The following SERPINB12 variants were observed in gnomAD, a reference collection of about 807,000 sequenced individuals.
SERPINB12 encodes the protein serpin family B member 12, also known as serpin B12.
SERPINB12 carries 57 observed loss-of-function variants against 41.1 expected under a neutral mutation model. The observed-to-expected ratio is 1.39, with a 90% CI of 1.12 to 1.73. The LOEUF is 1.73. SERPINB12 is among the 40% of genes most tolerant of loss of function. SERPINB12 has a pLI of 0.00. For missense variants in SERPINB12, 536 were observed against 501.9 expected (o/e 1.07, Z -0.65); for synonymous variants, 180 against 181.3 (o/e 0.99, Z 0.06).
upstream of SERPINB12, among the ~76,000 whole-genome samples, chr18:63,538,342 C>T (rs574219120): frequency 9.2e-5 from 14 of 152,192 alleles, no homozygotes; most frequent in East Asian, 2.7e-3. Context: ...TATTAGCAGT[C>T]CTCATTACCC....
intron 5 of SERPINB12, among the ~76,000 whole-genome samples, chr18:63,563,508 C>A (rs1910982954): frequency 6.6e-6 from 1 of 152,182 alleles, no homozygotes; most frequent in Non-Finnish European, 1.5e-5. Flanking sequence ...CCCCATCACC[C>A]CCTCGCTTAC....
rs141853560 is a variant in SERPINB12 at position 63,551,112 on chromosome 18, A to G, written c.-18-5030A>G. 5.4e-4 allele frequency among the ~76,000 whole-genome samples: 82 copies of G among 151,936 alleles called. 2 individuals are homozygous for G. The East Asian group carries it at 0.015, about 28-fold the overall frequency. Reference sequence around the variant, plus strand: ...GTGAAACCCTGTCTCTACTAAAAATACAAAAAATTAGCCGGTTGTAGTGGT... The same window carrying G: ...GTGAAACCCTGTCTCTACTAAAAATGCAAAAAATTAGCCGGTTGTAGTGGT... On this transcript the variant is annotated intron_variant, in intron 1 of 7. Coordinates refer to ENST00000382768, the MANE Select transcript of SERPINB12 (RefSeq NM_001307928.2).
chr18:63,567,133 TC>T lies in SERPINB12; in HGVS notation c.*123del. 1 of 949,048 alleles carries T rather than the reference TC, an allele frequency of 1.1e-6. No individual in the cohort carries two copies. The highest frequency in any genetic ancestry group is 1.5e-6 in the Non-Finnish European group (1 of 649,058). The allele number at this position is 949,048 out of a possible 1,614,324, so 58.8% of individuals were successfully genotyped here. On this transcript the variant is annotated 3_prime_UTR_variant, in exon 8 of 8. Transcript: ENST00000382768. The stretch of plus-strand genomic sequence containing the variant: ...AAGCATCTCCTTCATCCTCCAGCCA[TC>T]GGCTTGTGCTTATCTTGATCTTTCT...
chr18:63,546,162 GACA>G (rs1317142739), intron 1 of SERPINB12, among the ~76,000 whole-genome samples: 30 of 152,240 alleles, frequency 2.0e-4, no homozygotes, highest in Admixed American at 5.2e-4. Context: ...ATTGTTGTCT[GACA>G]ACAAGTTAGA....
chr18:63,563,764 C>T (rs1034524183), intron 5 of SERPINB12, among the ~76,000 whole-genome samples: 42 of 152,156 alleles, frequency 2.8e-4, no homozygotes, highest in African/African-American at 8.9e-4. Flanking sequence ...GGCATGGTGG[C>T]GGGCGCCTGT....
intron 4 of SERPINB12, 113 bp downstream of exon 4, chr18:63,559,831 G>A (rs1446207375): frequency 9.2e-7 from 1 of 1,083,622 alleles, no homozygotes; most frequent in Non-Finnish European, 1.4e-6. Context: ...TTGACAGGAT[G>A]ATGCGCTGTG....
At chr18:63,521,195 T>G in the SERPINB12 span, among the ~76,000 whole-genome samples, 2 of 152,186 alleles carry the variant, frequency 1.3e-5, no homozygotes, top group Non-Finnish European at 2.9e-5. Flanking sequence ...TGTATGTGTA[T>G]GAAAAAAATC....
chr18:63,560,639 G>T (rs74257023), intron 4 of SERPINB12, among the ~76,000 whole-genome samples: 3 of 152,086 alleles, frequency 2.0e-5, no homozygotes, highest in African/African-American at 7.2e-5. Context: ...CATTCACAAT[G>T]TTGTGTAACC....
chr18:63,538,858 TTGTC>T, upstream of SERPINB12, among the ~76,000 whole-genome samples: 1 of 152,346 alleles, frequency 6.6e-6, no homozygotes, highest in Non-Finnish European at 1.5e-5. Context: ...AGACTTGTTA[TTGTC>T]TGTTTTTAAA....
At chr18:63,537,080 T>A in the SERPINB12 span, among the ~76,000 whole-genome samples, 1 of 152,156 alleles carries the variant, frequency 6.6e-6, no homozygotes, top group Non-Finnish European at 1.5e-5. Context: ...ACTATGTAAA[T>A]ATAAAATAAT....
upstream of SERPINB12, among the ~76,000 whole-genome samples, chr18:63,537,856 G>A (rs1254176705): frequency 6.6e-6 from 1 of 152,120 alleles, no homozygotes; most frequent in Non-Finnish European, 1.5e-5. Context: ...TTGGAGATGA[G>A]GTTTAGAGCC....
At chr18:63,540,301 G>C (rs1910247375), upstream of SERPINB12, among the ~76,000 whole-genome samples, 1 of 152,158 alleles carries the variant, frequency 6.6e-6, no homozygotes, top group South Asian at 2.1e-4. Context: ...TACATTCCAT[G>C]CATTGCTGAT....
chr18:63,552,386 A>T (rs1910555412), intron 1 of SERPINB12, among the ~76,000 whole-genome samples: 1 of 152,156 alleles, frequency 6.6e-6, no homozygotes, highest in South Asian at 2.1e-4. Context: ...TTTCTTTTTA[A>T]TTGCAACAAC....
chr18:63,557,774 T>C (rs1308355906), intron 2 of SERPINB12, among the ~76,000 whole-genome samples: 8 of 152,180 alleles, frequency 5.3e-5, no homozygotes, highest in Admixed American at 5.2e-4. Flanking sequence ...ATAACTTGTC[T>C]TTTGCTGTCC....
At chr18:63,561,261 C>A in intron 5 of SERPINB12, 59 bp downstream of exon 5, 1 of 1,066,408 alleles carries the variant, frequency 9.4e-7, no homozygotes, top group Non-Finnish European at 1.4e-6. Flanking sequence ...GAAAATTGGT[C>A]TGCCTAGCTT....
chr18:63,538,091 G>A (rs983327382), upstream of SERPINB12, among the ~76,000 whole-genome samples: 1 of 152,124 alleles, frequency 6.6e-6, no homozygotes, highest in South Asian at 2.1e-4. Context: ...ATGGAAATAA[G>A]ATATGAAAGT....
rs201721976 is a variant in SERPINB12, at chr18:63,559,682, C to T, written c.408C>T (p.Asn136=). 130 of 1,614,136 alleles carry T rather than the reference C, an allele frequency of 8.1e-5. No individual in the cohort carries two copies. Among genetic ancestry groups the T allele is most frequent in the East Asian group, 4.5e-5 (2 of 44,880 alleles). Residue 136 remains asparagine, a synonymous_variant, in exon 4 of 8, where the codon AAC becomes AAT. Transcript: ENST00000382768. The stretch of plus-strand genomic sequence containing the variant: ...CTGATTACACACTGAGTATTGCCAA[C>T]AGGCTTTATGGAGAGCAGGAATTCC... ...IKTDYTLSIA[N]RLYGEQEFPI...
chr18:63,526,133 G>A, the SERPINB12 span, among the ~76,000 whole-genome samples: 1 of 151,948 alleles, frequency 6.6e-6, no homozygotes, highest in African/African-American at 2.4e-5. Flanking sequence ...TGTATTTTTG[G>A]TAACATATTT....
At chr18:63,532,706 A>G in the SERPINB12 span, among the ~76,000 whole-genome samples, 2 of 152,084 alleles carry the variant, frequency 1.3e-5, no homozygotes, top group African/African-American at 4.8e-5. Context: ...GTTCAGTAGG[A>G]GTTTGCTGAG....
Sources: gnomAD v4.1 joint callset for allele counts (sites outside exome capture counted in the v4.1 genomes callset) on GRCh38, gnomAD v4.1.1 for gene constraint, MANE v1.5 for transcripts, NCBI Gene and HGNC (gene_info 2026-07-23, HGNC 2026-07-21) for gene names.